LCT: variants seen among roughly 807,000 people sequenced by gnomAD.
LCT encodes the protein lactase/phlorizin hydrolase.
Under a neutral mutation model 173.0 loss-of-function variants are expected in LCT, and 90 were observed. The observed-to-expected ratio is 0.52, with a 90% confidence interval of 0.44 to 0.62. The LOEUF (loss-of-function observed/expected upper bound fraction) is 0.62, where lower values mean the gene tolerates loss of function less well. Ranked by LOEUF, LCT falls within the 20% of genes least tolerant of loss-of-function variation. LCT has a pLI of 0.00. For synonymous variants in LCT, 853 were observed against 957.6 expected, an observed-to-expected ratio of 0.89 and a Z score of 2.02; for missense variants, 1,864 against 2,431.4, an observed-to-expected ratio of 0.77 and a Z score of 4.91.
chr2:135,835,770 A>G (rs2077984549), intron 1 of LCT, among the ~76,000 whole-genome samples: 1 of 149,576 alleles, frequency 6.7e-6, no homozygotes, highest in Admixed American at 6.7e-5. Context: ...TAATTGTTTC[A>G]TCTTGTATTT....
chr2:135,819,939 A>G (rs564183604), intron 5 of LCT, among the ~76,000 whole-genome samples: 1 of 152,254 alleles, frequency 6.6e-6, no homozygotes, highest in East Asian at 1.9e-4. Flanking sequence ...TGGAGCTGGG[A>G]ACCCTGGGTT....
Position 135,812,372 on chromosome 2 carries a change from A to AT in LCT, c.2291dup (p.Asn764LysfsTer4). 5.6e-6 allele frequency: 9 copies of AT among 1,613,988 alleles called. No individual in the cohort carries two copies. The highest frequency in any genetic ancestry group is 7.6e-6 in the Non-Finnish European group (9 of 1,179,844). On this transcript the variant is annotated frameshift_variant, in exon 7 of 17. Coordinates refer to ENST00000264162, the MANE Select transcript of LCT (RefSeq NM_002299.4). LOFTEE classifies it high-confidence loss of function. ...CTACTCTTAAGGAATCATCAAAGAG[A>AT]TTTTCACTTTCCCCTATGGGCATGC...
At position 135,809,665 on chromosome 2, in the gene LCT, T is replaced by G; in HGVS notation, c.2682A>C (p.Glu894Asp). The change falls in exon 8 of 17, where the codon GAA (glutamate) becomes GAC (aspartate). Residue 894 changes from glutamate (E) to aspartate (D), a missense_variant. By Grantham distance (45) the Glu-to-Asp change is conservative. Around this residue, in one of 4 missense-constraint regions of LCT, gnomAD observed 755 missense variants for 926.3 expected, o/e 0.82. Coordinates refer to ENST00000264162, the MANE Select transcript of LCT (RefSeq NM_002299.4). The surrounding 1 kb of genome is among the most constrained non-coding windows in gnomAD (Gnocchi z 5.5). ...WEKFSSQPKF[E>D]RDLFYHGTFR... ...ACGTCCCGTGGTAGAACAAATCTCT[T>G]TCGAACTTGGGTTGGCTGGAGAACT... is the stretch of plus-strand genomic sequence containing the variant. 2 of 1,614,220 alleles carry G rather than the reference T, an allele frequency of 1.2e-6. No individual in the cohort carries two copies. Among genetic ancestry groups the G allele is most frequent in the Non-Finnish European group, 1.7e-6 (2 of 1,180,042 alleles).
intron 10 of LCT, 79 bp downstream of exon 10, chr2:135,804,688 T>C: frequency 7.6e-7 from 1 of 1,322,928 alleles, no homozygotes; most frequent in African/African-American, 1.5e-5. Context: ...GCATTTTGTT[T>C]ACATGATAAA....
At position 135,827,138 on chromosome 2, in the gene LCT, T is replaced by G. The variant is rs956539448; in HGVS notation, c.804+2455A>C. ...GGATTACAGGTTCGTGCCACTATAC[T>G]TGGTTAATTTTTGTATTTTTAGTAG... is the stretch of plus-strand genomic sequence containing the variant. On this transcript the variant is annotated intron_variant, in intron 3 of 16. Coordinates refer to ENST00000264162, the MANE Select transcript of LCT (RefSeq NM_002299.4). 5.3e-5 allele frequency among the ~76,000 whole-genome samples: 8 copies of G among 152,130 alleles called. No homozygotes were observed. In the South Asian group the frequency reaches 1.7e-3, roughly 32 times the overall value.
intron 2 of LCT, among the ~76,000 whole-genome samples, chr2:135,831,009 G>T (rs2077932814): frequency 6.6e-6 from 1 of 152,200 alleles, no homozygotes; most frequent in African/African-American, 2.4e-5. Context: ...TGCCTTGCTG[G>T]GGATTAGACT....
Position 135,789,730 on chromosome 2 carries a change from T to C in LCT, c.5404A>G (p.Thr1802Ala), listed in dbSNP as rs772144392. 66 of 1,614,112 alleles carry C rather than the reference T, an allele frequency of 4.1e-5. No homozygotes were observed. In the Admixed American group the frequency reaches 1.1e-3, roughly 26 times the overall value. The change falls in exon 16 of 17, where the codon ACA becomes GCA. Residue 1802 changes from threonine to alanine, a missense_variant. Around this residue, in one of 4 missense-constraint regions of LCT, gnomAD observed 514 missense variants for 750.1 expected, o/e 0.69. Coordinates refer to ENST00000264162, the MANE Select transcript of LCT (RefSeq NM_002299.4). ...WSAMDNFEWA[T>A]GFSERFGLHF... ...AGACCAAATCTCTCTGAAAAGCCTGTGGCCCACTCAAAATTGTCCATCGCA... is the reference window on the plus strand; with the variant it reads ...AGACCAAATCTCTCTGAAAAGCCTGCGGCCCACTCAAAATTGTCCATCGCA...
At position 135,807,246 on chromosome 2, in the gene LCT, G is replaced by GC. The variant is rs1333674247; in HGVS notation, c.4054dup (p.Ala1352GlyfsTer20). 6.2e-7 allele frequency: 1 copy of GC among 1,614,194 alleles called. No homozygotes were observed. Among genetic ancestry groups the GC allele is most frequent in the Admixed American group, 1.7e-5 (1 of 60,028 alleles). On this transcript the variant is annotated frameshift_variant, in exon 9 of 17. Coordinates refer to ENST00000264162, the MANE Select transcript of LCT (RefSeq NM_002299.4). LOFTEE classifies it high-confidence loss of function. Reference sequence around the variant, plus strand: ...GGTAATGACCTCTGTGTAGTACCTGGCGGAGGCTCTTGCTGTGCGAGGCCT... The same window carrying GC: ...GGTAATGACCTCTGTGTAGTACCTGGCCGGAGGCTCTTGCTGTGCGAGGCCT...
intron 2 of LCT, among the ~76,000 whole-genome samples, chr2:135,830,054 A>G (rs1001292152): frequency 6.6e-6 from 1 of 152,130 alleles, no homozygotes; most frequent in African/African-American, 2.4e-5. Flanking sequence ...AGACCCTCAC[A>G]TTTGGCCAGG....
intron 12 of LCT, 24 bp from the exon 13 acceptor site, chr2:135,798,162 G>A: frequency 7.7e-7 from 1 of 1,290,518 alleles, no homozygotes; most frequent in Non-Finnish European, 1.1e-6. Flanking sequence ...GGGGGAGACA[G>A]CCCAGGCGTT....
rs966983309 is a variant in LCT at position 135,818,038 on chromosome 2, C to G, written c.1010G>C (p.Ser337Thr). The G allele has an allele frequency of 6.2e-7, 1 of 1,613,376 alleles. No individual in the cohort carries two copies. The highest frequency in any genetic ancestry group is 1.7e-5 in the Admixed American group (1 of 60,034). The change falls in exon 6 of 17, where the codon AGC (serine) becomes ACC (threonine). Residue 337 changes from serine to threonine, a missense_variant. This residue lies in a region of LCT where 412 missense variants were observed against 462.0 expected (regional missense o/e 0.89). Transcript: ENST00000264162. ...CTGCTGGTCAGGCTGAAGGGCCAGG[C>G]TGCCAGTCAGAGAACAAGACATGCT... ...KKSMSCSLTG[S>T]LALQPDQQQD...
chr2:135,805,296 T>TA (rs1240881561), intron 9 of LCT, among the ~76,000 whole-genome samples: 8 of 151,760 alleles, frequency 5.3e-5, no homozygotes, highest in East Asian at 3.9e-4. Context: ...CCCATCTCTA[T>TA]AAAAAAAATC....
chr2:135,836,564 G>A lies in LCT; in HGVS notation c.606C>T (p.Ala202=). The part of the protein sequence containing the change: ...LQTLSDAHRK[A]YEIYHESYAF... The stretch of plus-strand genomic sequence containing the variant: ...CATAGCTTTCGTGGTAAATCTCATA[G>A]GCTTTTCTGTGGGCATCACTGAGGG... The change falls in exon 1 of 17, where the codon GCC becomes GCT. Residue 202 remains alanine (A), a synonymous_variant. Coordinates refer to ENST00000264162, the MANE Select transcript of LCT (RefSeq NM_002299.4). 1 of 1,614,150 alleles carries A rather than the reference G, an allele frequency of 6.2e-7. No individual in the cohort carries two copies. The highest frequency in any genetic ancestry group is 8.5e-7 in the Non-Finnish European group (1 of 1,180,012).
At chr2:135,819,734 G>A (rs571036130) in intron 5 of LCT, among the ~76,000 whole-genome samples, 23 of 152,298 alleles carry the variant, frequency 1.5e-4, no homozygotes, top group African/African-American at 4.8e-4. Context: ...ACTGTGGATC[G>A]CAGCTGGGGA....
At chr2:135,794,606 A>T (rs1476136923) in intron 14 of LCT, 35 bp downstream of exon 14, 4 of 1,611,546 alleles carry the variant, frequency 2.5e-6, no homozygotes, top group Non-Finnish European at 3.4e-6. Context: ...TGCCTTTTCC[A>T]GAGATGGCTC....
intron 5 of LCT, 60 bp from the exon 6 acceptor site, chr2:135,818,121 G>GT: frequency 6.3e-7 from 1 of 1,592,504 alleles, no homozygotes; most frequent in African/African-American, 1.3e-5. Flanking sequence ...AGTTACAAAT[G>GT]CCCCCTACGG....
rs1240906449 is a variant in LCT, at chr2:135,794,728, T to C, written c.5024A>G (p.Tyr1675Cys). The C allele has an allele frequency of 5.0e-6, 8 of 1,614,022 alleles. No homozygotes were observed. The highest frequency in any genetic ancestry group is 5.9e-6 in the Non-Finnish European group (7 of 1,179,998). ...ESEKRRINGTYDFFGFNHYTT... is the reference protein window; with the variant it reads ...ESEKRRINGTCDFFGFNHYTT... ...GTAGTGATTGAACCCAAAAAAGTCA[T>C]AGGTGCCGTTGATCCTCCTCTTCTC... Residue 1675 changes from tyrosine to cysteine, a missense_variant, in exon 14 of 17, where the codon TAT becomes TGT. Coordinates refer to ENST00000264162, the MANE Select transcript of LCT (RefSeq NM_002299.4).
intron 9 of LCT, among the ~76,000 whole-genome samples, chr2:135,806,092 C>T (rs1423885215): frequency 6.6e-6 from 1 of 152,084 alleles, no homozygotes; most frequent in East Asian, 1.9e-4. Context: ...GCTGAGTGAT[C>T]CTCCTGCCTC....
chr2:135,809,871 T>C lies in LCT; in HGVS notation c.2476A>G (p.Ser826Gly), dbSNP rs753200841. ...GLHHVNFSDS[S>G]KSRTPRKSAY... ...GATTTCCTGGGAGTCCTTGACTTGC[T>C]GCTGTCGCTGAAGTTGACGTGGTGC... Residue 826 changes from serine to glycine, a missense_variant, in exon 8 of 17, where the codon AGC becomes GGC. Coordinates refer to ENST00000264162, the MANE Select transcript of LCT (RefSeq NM_002299.4). The surrounding 1 kb of genome is among the most constrained non-coding windows in gnomAD (Gnocchi z 5.5). 3 of 1,614,240 alleles carry C rather than the reference T, an allele frequency of 1.9e-6. No individual in the cohort carries two copies. The highest frequency in any genetic ancestry group is 3.3e-5 in the Admixed American group (2 of 60,022).
Sources: gnomAD v4.1 joint callset for allele counts (sites outside exome capture counted in the v4.1 genomes callset) on GRCh38, gnomAD v4.1.1 for gene constraint, gnomAD v4.1.1 regional missense constraint, Gnocchi (gnomAD v3.1) non-coding constraint, MANE v1.5 for transcripts, NCBI Gene and HGNC (gene_info 2026-07-23, HGNC 2026-07-21) for gene names.